The following DNAJC14 variants were observed in gnomAD, a reference collection of about 807,000 sequenced individuals.
The protein encoded by DNAJC14 is DnaJ heat shock protein family (Hsp40) member C14, also known as dnaJ homolog subfamily C member 14.
In DNAJC14, 12 loss-of-function variants were observed where a neutral mutation model predicts 68.8. The observed-to-expected ratio is 0.17, with a 90% CI of 0.11 to 0.28. DNAJC14 has a LOEUF of 0.28. Ranked by LOEUF, DNAJC14 falls within the 10% of genes least tolerant of loss-of-function variation. The probability of loss-of-function intolerance (pLI) is 1.00; values close to 1 mark genes in which losing one functional copy is unlikely to be tolerated. For synonymous variants in DNAJC14, 350 were observed against 321.5 expected, an observed-to-expected ratio of 1.09 and a Z score of -0.95; for missense variants, 764 against 875.6, an observed-to-expected ratio of 0.87 and a Z score of 1.61.
rs889834931 is a variant in DNAJC14, at chr12:55,821,870, A to G, written c.*107T>C. The G allele has an allele frequency of 5.4e-5, 68 of 1,251,404 alleles. No individual in the cohort carries two copies. The East Asian group carries it at 1.3e-3, about 25-fold the overall frequency. The allele number at this position is 1,251,404 out of a possible 1,614,324, so 77.5% of individuals were successfully genotyped here. ...GACTCCATCTCAAAAAATAAAAAGA[A>G]AAAGATTCAGTTCCTAGGTGTTGGG... On this transcript the variant is annotated 3_prime_UTR_variant, in exon 7 of 7. Transcript: ENST00000678005.
chr12:55,828,394 C>G lies in DNAJC14; in HGVS notation c.265G>C (p.Asp89His), dbSNP rs536856862. Reference protein sequence around the residue: ...GGPGPPRDAEDPDQSETSSEE... With the variant: ...GGPGPPRDAEHPDQSETSSEE... The stretch of plus-strand genomic sequence containing the variant: ...GAAGACGTCTCACTCTGATCAGGGT[C>G]CTCTGCATCTCTAGGTGGTCCTGGA... The change falls in exon 2 of 7, where the codon GAC (aspartate) becomes CAC (histidine). Residue 89 changes from aspartate (D) to histidine (H), a missense_variant. Physicochemically the swap from Asp to His is moderately conservative, Grantham distance 81 (BLOSUM62 -1). This residue lies in a region of DNAJC14 where 514 missense variants were observed against 521.7 expected (regional missense o/e 0.99). Coordinates refer to ENST00000678005, the MANE Select transcript of DNAJC14 (RefSeq NM_032364.6). 3.1e-6 allele frequency: 5 copies of G among 1,614,118 alleles called. No homozygotes were observed. The South Asian group carries it at 5.5e-5, about 18-fold the overall frequency.
At chr12:55,825,026 G>T (rs1032891460) in intron 2 of DNAJC14, among the ~76,000 whole-genome samples, 1 of 151,466 alleles carries the variant, frequency 6.6e-6, no homozygotes, top group Non-Finnish European at 1.5e-5. Context: ...CAGCTACTCA[G>T]GAAGCTGAGG....
chr12:55,829,591 T>C, upstream of DNAJC14: 1 of 985,424 alleles, frequency 1.0e-6, no homozygotes, highest in South Asian at 4.7e-5. Flanking sequence ...ACGCTCTGCT[T>C]CCGCCTTCCG....
intron 4 of DNAJC14, 88 bp downstream of exon 4, chr12:55,822,982 C>G: frequency 6.4e-7 from 1 of 1,563,342 alleles, no homozygotes; most frequent in Non-Finnish European, 8.6e-7. Flanking sequence ...ACAGATGTAA[C>G]TCATAATTAC....
rs1369416743 is a variant in DNAJC14, at chr12:55,821,957, T to C, written c.*20A>G. Reference sequence around the variant, plus strand: ...GCCCTTTTGACTCCCTGACATTGATTTGAGGAAAGAGAAGGGGCATCAACG... The same window carrying C: ...GCCCTTTTGACTCCCTGACATTGATCTGAGGAAAGAGAAGGGGCATCAACG... On this transcript the variant is annotated 3_prime_UTR_variant, in exon 7 of 7. Coordinates refer to ENST00000678005, the MANE Select transcript of DNAJC14 (RefSeq NM_032364.6). 1.3e-6 allele frequency: 2 copies of C among 1,596,624 alleles called. No homozygotes were observed. Among genetic ancestry groups the C allele is most frequent in the South Asian group, 2.3e-5 (2 of 88,636 alleles).
chr12:55,829,798 T>TCC (rs1880926526), upstream of DNAJC14: 1 of 174,188 alleles, frequency 5.7e-6, no homozygotes, highest in African/African-American at 2.4e-5. Context: ...GGAATGGGAT[T>TCC]CCCGCAGGTT....
At position 55,827,867 on chromosome 12, in the gene DNAJC14, C is replaced by T. The variant is rs553286452; in HGVS notation, c.792G>A (p.Glu264=). The T allele has an allele frequency of 5.1e-5, 82 of 1,613,250 alleles. No homozygotes were observed. The highest frequency in any genetic ancestry group is 6.6e-5 in the Non-Finnish European group (78 of 1,179,446). The change falls in exon 2 of 7, where the codon GAG becomes GAA. Residue 264 remains glutamate, a synonymous_variant. Coordinates refer to ENST00000678005, the MANE Select transcript of DNAJC14 (RefSeq NM_032364.6). The part of the protein sequence containing the change: ...WLIELLVLVG[E]YVETCGHLIY... Reference sequence around the variant, plus strand: ...TGAGATGGCCACAAGTTTCTACGTACTCTCCCACCAATACCAGCAGTTCAA... The same window carrying T: ...TGAGATGGCCACAAGTTTCTACGTATTCTCCCACCAATACCAGCAGTTCAA...
chr12:55,827,548 A>G lies in DNAJC14; in HGVS notation c.1111T>C (p.Ser371Pro). The G allele has an allele frequency of 6.2e-7, 1 of 1,606,296 alleles. No homozygotes were observed. ...GTCAAGCAACGCTGCAAGGCTGGAG[A>G]ATCCAGCCAAGAGAAGAGCCAGGTA... ...KATWLFSWLDSPALQRCLTLL... is the reference protein window; with the variant it reads ...KATWLFSWLDPPALQRCLTLL... Residue 371 changes from serine to proline, a missense_variant, in exon 2 of 7, where the codon TCT becomes CCT. Transcript: ENST00000678005.
Position 55,821,780 on chromosome 12 carries a change from C to T in DNAJC14, c.*197G>A, listed in dbSNP as rs1880671747. 1 of 437,716 alleles carries T rather than the reference C, an allele frequency of 2.3e-6. No homozygotes were observed. Among genetic ancestry groups the T allele is most frequent in the Non-Finnish European group, 3.8e-6 (1 of 261,910 alleles). The allele number at this position is 437,716 out of a possible 1,614,324, so 27.1% of individuals were successfully genotyped here. A position where few individuals can be genotyped will look rare whatever the true frequency, so the allele number is the denominator to read the frequency against. ...GCTGAGATGGGAGAATTGCTTGAAC[C>T]CGGGAGACAGAGGTTGCAGTAAGCT... On this transcript the variant is annotated 3_prime_UTR_variant, in exon 7 of 7. Coordinates refer to ENST00000678005, the MANE Select transcript of DNAJC14 (RefSeq NM_032364.6).
rs1444334875 is a variant in DNAJC14, at chr12:55,823,056, C to T, written c.1634+14G>A. On this transcript the variant is annotated intron_variant, in intron 4 of 6. Coordinates refer to ENST00000678005, the MANE Select transcript of DNAJC14 (RefSeq NM_032364.6). The stretch of plus-strand genomic sequence containing the variant: ...GAGCTGTGATTGTCCCATCCCTCTC[C>T]TTCTATTTCATACCTATGCTTTCCT... The T allele has an allele frequency of 6.2e-7, 1 of 1,613,230 alleles. No homozygotes were observed. Among genetic ancestry groups the T allele is most frequent in the Non-Finnish European group, 8.5e-7 (1 of 1,179,994 alleles).
In DNAJC14 at chr12:55,827,680, G is replaced by C. The variant is rs34103194; in HGVS notation, c.979C>G (p.Leu327Val). Residue 327 changes from leucine to valine, a missense_variant, in exon 2 of 7, where the codon CTG becomes GTG. Physicochemically the swap from Leu to Val is conservative, Grantham distance 32. Around this residue, in one of 4 missense-constraint regions of DNAJC14, gnomAD observed 514 missense variants for 521.7 expected, o/e 0.99. Transcript: ENST00000678005. ...AGAGCCAGGAGCAGCAAAGCACCCA[G>C]CAGCTTAAGAAAACGAGTAAACAGT... ...VGLFTRFLKL[L>V]GALLLLALAL... 2.5e-4 allele frequency: 397 copies of C among 1,614,028 alleles called. 4 individuals carry two copies. In the African/African-American group the frequency reaches 4.2e-3, roughly 17 times the overall value.
intron 1 of DNAJC14, 98 bp downstream of exon 1, chr12:55,829,391 A>C (rs140544681): frequency 1.0e-6 from 1 of 981,544 alleles, no homozygotes; most frequent in African/African-American, 1.8e-5. Flanking sequence ...GTTGCAGTGA[A>C]CCGAGATCGT....
chr12:55,829,540 G>T lies in DNAJC14; in HGVS notation c.-108C>A. On this transcript the variant is annotated 5_prime_UTR_variant, in exon 1 of 7. Coordinates refer to ENST00000678005, the MANE Select transcript of DNAJC14 (RefSeq NM_032364.6). ...TCGAGCCGCCCGGCCTGGGGCCAGG[G>T]TGAGCTACGAGAGCCGCTCTCCCGG... 4.1e-6 allele frequency: 4 copies of T among 985,144 alleles called. No individual in the cohort carries two copies. The highest frequency in any genetic ancestry group is 5.2e-4 in the Middle Eastern group (1 of 1,910). 61.0% of individuals were successfully genotyped at this position (985,144 alleles called of 1,614,324 possible). A position where few individuals can be genotyped will look rare whatever the true frequency, so the allele number is the denominator to read the frequency against.
Position 55,829,460 on chromosome 12 carries a change from A to G in DNAJC14, c.-57+29T>C, listed in dbSNP as rs1317016282. ...ACTCCATCTCAAAAAAACAAAAAAA[A>G]ACGAAAAAAAAAAAAAAGACGGACG... On this transcript the variant is annotated intron_variant, in intron 1 of 6. Transcript: ENST00000678005. 5.1e-6 allele frequency: 5 copies of G among 984,328 alleles called. No homozygotes were observed. The Admixed American group carries it at 1.9e-4, about 36-fold the overall frequency. 61.0% of individuals were successfully genotyped at this position (984,328 alleles called of 1,614,324 possible). A position where few individuals can be genotyped will look rare whatever the true frequency, so the allele number is the denominator to read the frequency against.
intron 4 of DNAJC14, 106 bp from the exon 5 acceptor site, chr12:55,822,838 AC>A: frequency 6.8e-7 from 1 of 1,462,082 alleles, no homozygotes; most frequent in Non-Finnish European, 9.2e-7. Flanking sequence ...ATCTAAAATT[AC>A]CCCACTTAGT....
In DNAJC14 at chr12:55,827,818, T is replaced by G; in HGVS notation, c.841A>C (p.Ser281Arg). 1.2e-6 allele frequency: 2 copies of G among 1,614,026 alleles called. No homozygotes were observed. Among genetic ancestry groups the G allele is most frequent in the Middle Eastern group, 1.7e-4 (1 of 6,060 alleles). The change falls in exon 2 of 7, where the codon AGC becomes CGC. Residue 281 changes from serine to arginine, a missense_variant. Physicochemically the swap from Ser to Arg is moderately radical, Grantham distance 110. Coordinates refer to ENST00000678005, the MANE Select transcript of DNAJC14 (RefSeq NM_032364.6). ...ACTCGAAAAAGGTCCAAATCACTGC[T>G]TTTCAGTTGCCTGCAGGCATAGATG... ...HLIYACRQLK[S>R]SDLDLFRVWM...
chr12:55,830,533 T>C (rs544693782), upstream of DNAJC14: 1 of 152,230 alleles, frequency 6.6e-6, no homozygotes, highest in South Asian at 2.1e-4. Context: ...CACCCGGTTC[T>C]CCAGGAGACA....
intron 2 of DNAJC14, among the ~76,000 whole-genome samples, chr12:55,825,130 CAAAAAAAAAAAAA>C (rs71074860): frequency 1.5e-5 from 1 of 65,498 alleles, no homozygotes; most frequent in Non-Finnish European, 3.0e-5. Context: ...GACCCTGTCT[CAAAAAAAAAAAAA>C]AAAAAAAAAG....
chr12:55,825,737 G>C (rs550394639), intron 2 of DNAJC14, among the ~76,000 whole-genome samples: 7 of 151,602 alleles, frequency 4.6e-5, no homozygotes, highest in Non-Finnish European at 8.8e-5. Flanking sequence ...GTAGAGACAG[G>C]GTTTCACCAT....
Sources: gnomAD v4.1 joint callset for allele counts (sites outside exome capture counted in the v4.1 genomes callset) on GRCh38, gnomAD v4.1.1 for gene constraint, gnomAD v4.1.1 regional missense constraint, MANE v1.5 for transcripts, NCBI Gene and HGNC (gene_info 2026-07-23, HGNC 2026-07-21) for gene names.